CCSER1: variants seen among roughly 807,000 people sequenced by gnomAD.
CCSER1 encodes the protein serine-rich coiled-coil domain-containing protein 1.
A neutral mutation model predicts 82.0 loss-of-function variants in CCSER1; 41 were observed. The observed-to-expected ratio is 0.50, with a 90% CI of 0.39 to 0.65. The LOEUF (loss-of-function observed/expected upper bound fraction) is 0.65. CCSER1 is among the 30% of genes least tolerant of loss of function. The pLI is 0.00. For synonymous variants in CCSER1, 414 were observed against 383.9 expected (o/e 1.08, Z -0.92); for missense variants, 1,119 against 1,064.2 (o/e 1.05, Z -0.72).
intron 9 of CCSER1, among the ~76,000 whole-genome samples, chr4:90,934,702 C>A (rs189234412): frequency 6.6e-6 from 1 of 152,116 alleles, no homozygotes; most frequent in African/African-American, 2.4e-5. Flanking sequence ...GAGGCCAAGG[C>A]GGGTGGATCA....
At position 90,271,890 on chromosome 4, in the gene CCSER1, T is replaced by TTTTTTA. The variant is rs1553982851; in HGVS notation, c.-41-36354_-41-36353insTTTTTA. Among the ~76,000 whole-genome samples, 125 of 70,052 alleles carry TTTTTTA rather than the reference T, an allele frequency of 1.8e-3. 9 individuals carry two copies. Among genetic ancestry groups the TTTTTTA allele is most frequent in the South Asian group, 3.5e-3 (5 of 1,442 alleles). The allele number at this position is 70,052 out of a possible 152,430, so 46.0% of individuals were successfully genotyped here. A position where few individuals can be genotyped will look rare whatever the true frequency, so the allele number is the denominator to read the frequency against. On this transcript the variant is annotated intron_variant, in intron 1 of 10. Coordinates refer to ENST00000509176, the MANE Select transcript of CCSER1 (RefSeq NM_001145065.2). ...TTTTTTTTTTTTTTTTTTTTTTTTT[T>TTTTTTA]AAAAGGAGGTTTAATTGACTCACAG...
intron 9 of CCSER1, among the ~76,000 whole-genome samples, chr4:91,021,451 AT>A (rs1293140248): frequency 6.6e-6 from 1 of 152,230 alleles, no homozygotes; most frequent in Non-Finnish European, 1.5e-5. Context: ...ATCAACTTTG[AT>A]TTAAAAATAG....
chr4:90,628,237 TG>T lies in CCSER1; in HGVS notation c.1932+7del. On this transcript the variant is annotated splice_donor_region_variant and intron_variant, in intron 6 of 10. Coordinates refer to ENST00000509176, the MANE Select transcript of CCSER1 (RefSeq NM_001145065.2). ...ATGAAGAGAGTTCTTCAAGAGGTAA[TG>T]GTTTCCTCTAAGATTAATGTCCTTC... 1 of 1,602,436 alleles carries T rather than the reference TG, an allele frequency of 6.2e-7. No individual in the cohort carries two copies. Among genetic ancestry groups the T allele is most frequent in the South Asian group, 1.1e-5 (1 of 90,762 alleles).
intron 10 of CCSER1, among the ~76,000 whole-genome samples, chr4:91,317,214 C>A (rs1289252504): frequency 1.3e-5 from 2 of 151,646 alleles, no homozygotes; most frequent in Non-Finnish European, 2.9e-5. Context: ...AATGTGTAAC[C>A]CAACCAGGCT....
chr4:90,415,328 C>T (rs1023187084), intron 4 of CCSER1, among the ~76,000 whole-genome samples: 2 of 152,182 alleles, frequency 1.3e-5, no homozygotes, highest in African/African-American at 2.4e-5. Flanking sequence ...CAGTTCTAAA[C>T]GGTGCCACGT....
intron 8 of CCSER1, among the ~76,000 whole-genome samples, chr4:90,835,983 C>G (rs1761758169): frequency 6.6e-6 from 1 of 152,072 alleles, no homozygotes; most frequent in Non-Finnish European, 1.5e-5. Flanking sequence ...ATCTGATGCT[C>G]TTGTATATGA....
chr4:91,471,783 T>C (rs1757286687), intron 10 of CCSER1, among the ~76,000 whole-genome samples: 1 of 151,850 alleles, frequency 6.6e-6, no homozygotes, highest in African/African-American at 2.4e-5. Context: ...TCCTGGCTAA[T>C]ACAGTGAAAC....
chr4:91,163,486 T>C (rs1342091051), intron 10 of CCSER1, among the ~76,000 whole-genome samples: 1 of 152,172 alleles, frequency 6.6e-6, no homozygotes, highest in East Asian at 1.9e-4. Flanking sequence ...TGGATATCCT[T>C]GTTAACCTTC....
At chr4:91,395,697 A>G (rs1751935929) in intron 10 of CCSER1, among the ~76,000 whole-genome samples, 1 of 152,106 alleles carries the variant, frequency 6.6e-6, no homozygotes, top group Non-Finnish European at 1.5e-5. Context: ...TATTAATTTT[A>G]TGTTCATGAA....
chr4:90,412,257 C>T (rs566957574), intron 4 of CCSER1, among the ~76,000 whole-genome samples: 53 of 137,932 alleles, frequency 3.8e-4, no homozygotes, highest in African/African-American at 1.4e-3. Context: ...TAGGTGGGAA[C>T]TGAACAATGA....
chr4:90,310,054 C>T (rs545323552), intron 2 of CCSER1, among the ~76,000 whole-genome samples: 9 of 151,948 alleles, frequency 5.9e-5, no homozygotes, highest in Non-Finnish European at 8.8e-5. Flanking sequence ...TAATTTAATA[C>T]GAATTTTATA....
At chr4:91,424,484 A>G (rs1753865284) in intron 10 of CCSER1, among the ~76,000 whole-genome samples, 1 of 152,174 alleles carries the variant, frequency 6.6e-6, no homozygotes, top group Non-Finnish European at 1.5e-5. Flanking sequence ...ACACAAAATT[A>G]TTCCACTGTT....
chr4:90,573,615 C>G (rs1780368273), intron 5 of CCSER1, among the ~76,000 whole-genome samples: 2 of 152,106 alleles, frequency 1.3e-5, no homozygotes, highest in Non-Finnish European at 2.9e-5. Flanking sequence ...GTTTCTGTTG[C>G]TCTTGTGAAT....
intron 10 of CCSER1, among the ~76,000 whole-genome samples, chr4:91,498,753 T>G (rs1316325405): frequency 6.6e-6 from 1 of 151,950 alleles, no homozygotes; most frequent in Non-Finnish European, 1.5e-5. Flanking sequence ...TTTATTATAA[T>G]ATCCACTTCT....
At chr4:90,921,282 A>G (rs1391838646) in intron 8 of CCSER1, among the ~76,000 whole-genome samples, 1 of 144,662 alleles carries the variant, frequency 6.9e-6, no homozygotes, top group African/African-American at 2.7e-5. Context: ...ACGGCCTTCT[A>G]TTAAGCTAAA....
At chr4:91,365,865 C>T (rs542987062) in intron 10 of CCSER1, among the ~76,000 whole-genome samples, 5 of 152,194 alleles carry the variant, frequency 3.3e-5, no homozygotes, top group East Asian at 3.9e-4. Flanking sequence ...CAGTGTGGAG[C>T]GCAGTGCCTA....
At chr4:91,519,739 C>G (rs1331275069) in intron 10 of CCSER1, among the ~76,000 whole-genome samples, 3 of 152,170 alleles carry the variant, frequency 2.0e-5, no homozygotes, top group African/African-American at 7.2e-5. Flanking sequence ...TGGCTCTGTG[C>G]CACTCCTGGG....
chr4:90,710,300 T>C (rs1478870791), intron 6 of CCSER1, among the ~76,000 whole-genome samples: 1 of 151,660 alleles, frequency 6.6e-6, no homozygotes, highest in African/African-American at 2.4e-5. Flanking sequence ...TTGTTTTGTT[T>C]TGTTTTTTGC....
intron 3 of CCSER1, among the ~76,000 whole-genome samples, chr4:90,335,893 C>T (rs1740302790): frequency 1.3e-5 from 2 of 152,224 alleles, no homozygotes; most frequent in South Asian, 2.1e-4. Flanking sequence ...GCTGGGATTA[C>T]AGGCGTGAGC....
Sources: gnomAD v4.1 joint callset for allele counts (sites outside exome capture counted in the v4.1 genomes callset) on GRCh38, gnomAD v4.1.1 for gene constraint, MANE v1.5 for transcripts, NCBI Gene and HGNC (gene_info 2026-07-23, HGNC 2026-07-21) for gene names.